ITGBL1: variants seen among roughly 807,000 people sequenced by gnomAD.
ITGBL1 encodes integrin subunit beta like 1.
Under a neutral mutation model 68.5 loss-of-function variants are expected in ITGBL1, and 51 were observed. That is an observed-to-expected ratio of 0.74 (90% CI 0.59 to 0.94). The LOEUF (loss-of-function observed/expected upper bound fraction) is 0.94, where lower values mean the gene tolerates loss of function less well. ITGBL1 is among the 40% of genes least tolerant of loss of function. The pLI is 0.00. For synonymous variants in ITGBL1, 209 were observed against 227.3 expected, an observed-to-expected ratio of 0.92 and a Z score of 0.72; for missense variants, 649 against 647.4, an observed-to-expected ratio of 1.00 and a Z score of -0.03.
intron 7 of ITGBL1, among the ~76,000 whole-genome samples, chr13:101,624,373 A>G (rs2031697901): frequency 6.6e-6 from 1 of 152,072 alleles, no homozygotes; most frequent in Non-Finnish European, 1.5e-5. Context: ...CCCAATAACT[A>G]CACTTCCTTT....
intron 7 of ITGBL1, among the ~76,000 whole-genome samples, chr13:101,678,433 A>G (rs1349546562): frequency 6.6e-6 from 1 of 151,666 alleles, no homozygotes. Flanking sequence ...ATTATCCCAG[A>G]TTTGGGAAGA....
chr13:101,605,328 A>G (rs201163786), intron 7 of ITGBL1, among the ~76,000 whole-genome samples: 1 of 28 alleles, frequency 0.036, no homozygotes, highest in Non-Finnish European at 0.12. Context: ...GCATATGCGT[A>G]TATATATATA....
intron 2 of ITGBL1, among the ~76,000 whole-genome samples, chr13:101,496,728 C>T (rs188381530): frequency 3.9e-5 from 6 of 152,276 alleles, no homozygotes; most frequent in Admixed American, 3.9e-4. Flanking sequence ...ATATTAGAGA[C>T]CATTATGTTG....
At chr13:101,533,309 A>G (rs1311110906) in intron 2 of ITGBL1, among the ~76,000 whole-genome samples, 2 of 152,198 alleles carry the variant, frequency 1.3e-5, no homozygotes, top group Non-Finnish European at 2.9e-5. Flanking sequence ...TGCAGTAACA[A>G]CATTATCAAG....
chr13:101,626,008 A>G (rs1449929921), intron 7 of ITGBL1, among the ~76,000 whole-genome samples: 1 of 152,176 alleles, frequency 6.6e-6, no homozygotes, highest in Non-Finnish European at 1.5e-5. Flanking sequence ...AATGGCTTGG[A>G]TCTGATCACA....
chr13:101,672,465 A>C (rs942111887), intron 7 of ITGBL1, among the ~76,000 whole-genome samples: 1 of 152,242 alleles, frequency 6.6e-6, no homozygotes, highest in African/African-American at 2.4e-5. Flanking sequence ...GGCAGGCTCA[A>C]AATGGCAGCT....
intron 2 of ITGBL1, among the ~76,000 whole-genome samples, chr13:101,556,434 C>T (rs2050007106): frequency 1.3e-5 from 2 of 151,902 alleles, no homozygotes; most frequent in South Asian, 2.1e-4. Context: ...GTCGGGAGTT[C>T]GAGACCAGCC....
At position 101,693,624 on chromosome 13, in the gene ITGBL1, GTCTATCTATCTATCTATCTA is replaced by G. The variant is rs71125018; in HGVS notation, c.1132+946_1132+965del. On this transcript the variant is annotated intron_variant, in intron 8 of 10. Transcript: ENST00000376180. ...ATCCATCCATCCTATCTGTCTGTCT[GTCTATCTATCTATCTATCTA>G]TCTATCTATCTATCTATCTATCATC... is the stretch of plus-strand genomic sequence containing the variant. 6.8e-5 allele frequency among the ~76,000 whole-genome samples: 10 copies of G among 146,188 alleles called. No homozygotes were observed. The East Asian group carries it at 1.4e-3, about 21-fold the overall frequency.
intron 7 of ITGBL1, among the ~76,000 whole-genome samples, chr13:101,649,152 CTT>C (rs2032664001): frequency 6.6e-6 from 1 of 152,120 alleles, no homozygotes; most frequent in Admixed American, 6.6e-5. Flanking sequence ...CATCTGTTCA[CTT>C]TTGTGGTTCA....
chr13:101,500,154 C>T (rs933224423), intron 2 of ITGBL1, among the ~76,000 whole-genome samples: 2 of 152,130 alleles, frequency 1.3e-5, no homozygotes, highest in Non-Finnish European at 2.9e-5. Context: ...TTTAATTCCT[C>T]ATGTTGAGGA....
At chr13:101,509,710 C>A (rs1233369445) in intron 2 of ITGBL1, among the ~76,000 whole-genome samples, 1 of 152,166 alleles carries the variant, frequency 6.6e-6, no homozygotes, top group African/African-American at 2.4e-5. Context: ...CAAAGCCAGT[C>A]ATCCTCCGTG....
intron 7 of ITGBL1, among the ~76,000 whole-genome samples, chr13:101,672,785 C>G (rs114283031): frequency 6.6e-6 from 1 of 152,078 alleles, no homozygotes; most frequent in Non-Finnish European, 1.5e-5. Flanking sequence ...TTAAACTTTC[C>G]GCTCCTTAAC....
chr13:101,698,967 A>C (rs573971356), intron 8 of ITGBL1, among the ~76,000 whole-genome samples: 19 of 152,324 alleles, frequency 1.2e-4, no homozygotes, highest in African/African-American at 4.6e-4. Flanking sequence ...TCTTAATTAC[A>C]CAATCAGTTC....
At position 101,703,686 on chromosome 13, in the gene ITGBL1, C is replaced by T. The variant is rs375347087; in HGVS notation, c.1133-3070C>T. 4.3e-4 allele frequency among the ~76,000 whole-genome samples: 65 copies of T among 152,194 alleles called. No homozygotes were observed. The South Asian group carries it at 0.011, about 25-fold the overall frequency. Reference sequence around the variant, plus strand: ...CTGGATGAGGGCAGTAAGGGAAATTCAAATGAGACTCAAAACATCATGAAC... The same window carrying T: ...CTGGATGAGGGCAGTAAGGGAAATTTAAATGAGACTCAAAACATCATGAAC... On this transcript the variant is annotated intron_variant, in intron 8 of 10. Coordinates refer to ENST00000376180, the MANE Select transcript of ITGBL1 (RefSeq NM_004791.3).
chr13:101,611,788 T>C (rs2031140222), intron 7 of ITGBL1, among the ~76,000 whole-genome samples: 1 of 152,136 alleles, frequency 6.6e-6, no homozygotes, highest in Non-Finnish European at 1.5e-5. Flanking sequence ...CACTGTGTTC[T>C]GACTCATCCG....
At chr13:101,534,869 G>T (rs7992333) in intron 2 of ITGBL1, among the ~76,000 whole-genome samples, 16,305 of 152,094 alleles carry the variant, frequency 0.11, 1,472 homozygotes, top group African/African-American at 0.24. Context: ...AATCCAGGTG[G>T]AGAGGAGAGA....
At chr13:101,644,550 A>G in intron 7 of ITGBL1, among the ~76,000 whole-genome samples, 1 of 152,222 alleles carries the variant, frequency 6.6e-6, no homozygotes, top group Non-Finnish European at 1.5e-5. Flanking sequence ...GAAGTTCATC[A>G]AATTTTCATT....
chr13:101,548,872 ACT>A (rs1351073642), intron 2 of ITGBL1, among the ~76,000 whole-genome samples: 1 of 151,726 alleles, frequency 6.6e-6, no homozygotes, highest in East Asian at 1.9e-4. Context: ...GTGATTAACT[ACT>A]CTCTCCAAGA....
chr13:101,554,695 A>T (rs1035632847), intron 2 of ITGBL1, among the ~76,000 whole-genome samples: 2 of 152,190 alleles, frequency 1.3e-5, no homozygotes, highest in African/African-American at 4.8e-5. Flanking sequence ...AGGGATATGC[A>T]GTTTGGACCT....
Sources: allele counts gnomAD v4.1 joint callset (sites outside exome capture counted in the v4.1 genomes callset), GRCh38; gene constraint gnomAD v4.1.1; transcripts MANE v1.5; gene names NCBI Gene and HGNC (gene_info 2026-07-23, HGNC 2026-07-21).